Variants in LY9 observed in about 807,000 individuals in gnomAD.
The protein encoded by LY9 is lymphocyte antigen 9, also known as T-lymphocyte surface antigen Ly-9.
In LY9, 59 loss-of-function variants were observed where a neutral mutation model predicts 64.6. The observed-to-expected ratio is 0.91, with a 90% CI of 0.74 to 1.13. LY9 has a LOEUF of 1.13. LY9 is among the 50% of genes most tolerant of loss of function. The pLI, the probability that LY9 is intolerant of heterozygous loss-of-function variation, is 0.00. For missense variants in LY9, 789 were observed against 797.2 expected, an observed-to-expected ratio of 0.99 and a Z score of 0.12; for synonymous variants, 281 against 308.5, an observed-to-expected ratio of 0.91 and a Z score of 0.93.
At chr1:160,796,418 G>A in intron 1 of LY9, 107 bp downstream of exon 1, 1 of 1,359,712 alleles carries the variant, frequency 7.4e-7, no homozygotes, top group Non-Finnish European at 1.0e-6. Context: ...TTTTTTAACG[G>A]AGTCTCACTC....
At chr1:160,814,002 A>AG in intron 3 of LY9, 91 bp downstream of exon 3, 1 of 1,378,606 alleles carries the variant, frequency 7.3e-7, no homozygotes, top group Non-Finnish European at 9.9e-7. Flanking sequence ...TCAGACACAC[A>AG]GGGGGTGGGG....
rs550724284 is a variant in LY9 at position 160,805,048 on chromosome 1, C to G, written c.454+4966C>G. Reference sequence around the variant, plus strand: ...TAATTTTGTCTGTCTTTTCAAAGAGCTAACTTTTTCTTTCATTGATTCTTT... The same window carrying G: ...TAATTTTGTCTGTCTTTTCAAAGAGGTAACTTTTTCTTTCATTGATTCTTT... On this transcript the variant is annotated intron_variant, in intron 2 of 9. Transcript: ENST00000263285. Among the ~76,000 whole-genome samples the G allele has an allele frequency of 4.6e-5, 7 of 152,180 alleles. No homozygotes were observed. In the East Asian group the frequency reaches 9.6e-4, roughly 21 times the overall value.
At chr1:160,820,443 T>C (rs1668325816) in intron 7 of LY9, among the ~76,000 whole-genome samples, 2 of 152,208 alleles carry the variant, frequency 1.3e-5, no homozygotes, top group Non-Finnish European at 2.9e-5. Context: ...AAAATAAAAC[T>C]ATATGTCACC....
chr1:160,818,340 T>A, intron 6 of LY9, 21 bp downstream of exon 6: 1 of 1,588,070 alleles, frequency 6.3e-7, no homozygotes, highest in South Asian at 1.1e-5. Flanking sequence ...GAGATCAATG[T>A]TGTCCGCCAG....
chr1:160,814,221 G>C (rs946608546), intron 3 of LY9, among the ~76,000 whole-genome samples, 199 bp from the exon 4 acceptor site: 5 of 152,162 alleles, frequency 3.3e-5, no homozygotes, highest in Non-Finnish European at 7.3e-5. Flanking sequence ...GGGGACATGA[G>C]AGTCCAAGTA....
At chr1:160,821,672 G>T (rs879463164) in intron 7 of LY9, among the ~76,000 whole-genome samples, 2 of 152,192 alleles carry the variant, frequency 1.3e-5, no homozygotes, top group Non-Finnish European at 2.9e-5. Flanking sequence ...ATAACCAAGT[G>T]GTCAAGTGTA....
In LY9 at chr1:160,819,356, G is replaced by T. The variant is rs1360941066; in HGVS notation, c.1480G>T (p.Ala494Ser). 1.2e-6 allele frequency: 2 copies of T among 1,613,462 alleles called. No individual in the cohort carries two copies. The highest frequency in any genetic ancestry group is 2.7e-5 in the African/African-American group (2 of 74,860). The change falls in exon 7 of 10, where the codon GCC becomes TCC. Residue 494 changes from alanine to serine, a missense_variant. Transcript: ENST00000263285. ...AGCCTTCTGTTCCAGCCAAGCTGAG[G>T]CCCCAGCGGATACACCAGGTAACAT... ...VPAFCSSQAE[A>S]PADTPEPTAG...
At chr1:160,823,845 G>T (rs1668674152) in intron 8 of LY9, 49 bp downstream of exon 8, 20 of 1,432,078 alleles carry the variant, frequency 1.4e-5, no homozygotes, top group Non-Finnish European at 1.9e-5. Flanking sequence ...ATGTCTAGCG[G>T]CATCTGAGAT....
chr1:160,820,414 A>AAAAT (rs1284862057), intron 7 of LY9, among the ~76,000 whole-genome samples: 19 of 152,282 alleles, frequency 1.2e-4, no homozygotes, highest in African/African-American at 2.9e-4. Context: ...CCTGCTTTAA[A>AAAAT]AAATAAATAA....
At chr1:160,823,443 A>G (rs758790747) in intron 7 of LY9, 22 bp from the exon 8 acceptor site, 6 of 1,569,858 alleles carry the variant, frequency 3.8e-6, no homozygotes, top group Non-Finnish European at 5.2e-6. Flanking sequence ...TACTTTTATC[A>G]GCCCTGCACA....
At chr1:160,802,573 A>G (rs951858899) in intron 2 of LY9, 22 of 985,448 alleles carry the variant, frequency 2.2e-5, no homozygotes, top group East Asian at 1.1e-4. Flanking sequence ...TGCTGCTCAG[A>G]TTTTTAAATT....
intron 2 of LY9, among the ~76,000 whole-genome samples, chr1:160,809,041 T>C (rs1268924427): frequency 2.0e-5 from 3 of 152,164 alleles, no homozygotes; most frequent in African/African-American, 4.8e-5. Context: ...TATAGAAATA[T>C]TGTTTCCAAT....
At chr1:160,802,781 T>A in intron 2 of LY9, 1 of 535,078 alleles carries the variant, frequency 1.9e-6, no homozygotes, top group Non-Finnish European at 2.4e-6. Context: ...AAAGGTCAAT[T>A]GGCTATAAAC....
chr1:160,818,279 TG>T lies in LY9; in HGVS notation c.1407del (p.Ile470SerfsTer272). On this transcript the variant is annotated frameshift_variant, in exon 6 of 10. Coordinates refer to ENST00000263285, the MANE Select transcript of LY9 (RefSeq NM_002348.4). LOFTEE classifies it high-confidence loss of function. ...LFLMVCLLCV[G>X]IFSWCIWKRK... ...TCCTGATGGTTTGCCTTCTGTGCGT[TG>T]GGATCTTCAGCTGGTGCATTTGGAA... 6.2e-7 allele frequency: 1 copy of T among 1,614,140 alleles called. No homozygotes were observed. Among genetic ancestry groups the T allele is most frequent in the Non-Finnish European group, 8.5e-7 (1 of 1,180,002 alleles).
chr1:160,800,127 A>G (rs1666304261), intron 2 of LY9, 45 bp downstream of exon 2: 1 of 1,470,602 alleles, frequency 6.8e-7, no homozygotes, highest in East Asian at 2.3e-5. Context: ...TCTTTTTTTT[A>G]TTTGTGCAAA....
chr1:160,803,133 T>A (rs558275595), intron 2 of LY9, among the ~76,000 whole-genome samples: 9 of 152,096 alleles, frequency 5.9e-5, no homozygotes, highest in African/African-American at 2.2e-4. Flanking sequence ...AATACAAAAA[T>A]TAGACAGGGG....
chr1:160,799,769 A>G lies in LY9; in HGVS notation c.141A>G (p.Gly47=). The G allele has an allele frequency of 6.2e-7, 1 of 1,612,778 alleles. No individual in the cohort carries two copies. Among genetic ancestry groups the G allele is most frequent in the Non-Finnish European group, 8.5e-7 (1 of 1,179,136 alleles). The change falls in exon 2 of 10, where the codon GGA becomes GGG. Residue 47 remains glycine, a synonymous_variant. Coordinates refer to ENST00000263285, the MANE Select transcript of LY9 (RefSeq NM_002348.4). ...LFLLMGLRAS[G]KDSAPTVVSG... ...TCTCTGCAGGACTAAGAGCCTCTGGAAAGGACTCAGCCCCAACAGTGGTGT... is the reference window on the plus strand; with the variant it reads ...TCTCTGCAGGACTAAGAGCCTCTGGGAAGGACTCAGCCCCAACAGTGGTGT...
chr1:160,816,495 C>G, intron 4 of LY9, 99 bp from the exon 5 acceptor site: 1 of 1,376,982 alleles, frequency 7.3e-7, no homozygotes, highest in South Asian at 1.5e-5. Flanking sequence ...CCGGCAGTAT[C>G]AACACTCAGC....
Position 160,814,430 on chromosome 1 carries a change from C to T in LY9, c.741C>T (p.Ala247=), listed in dbSNP as rs758232481. ...CATCTGTGACCCCAGATCCAGGAGC[C>T]TCCAGAGGAGGAACAACGGGGGAGA... ...HVGQFCTDPG[A]SRGGTTGETV... is the part of the protein sequence containing the mutation. Residue 247 remains alanine, a synonymous_variant, in exon 4 of 10, where the codon GCC becomes GCT. Transcript: ENST00000263285. The T allele has an allele frequency of 6.2e-7, 1 of 1,609,644 alleles. No individual in the cohort carries two copies. Among genetic ancestry groups the T allele is most frequent in the South Asian group, 1.1e-5 (1 of 90,230 alleles).
Sources: allele counts gnomAD v4.1 joint callset (sites outside exome capture counted in the v4.1 genomes callset), GRCh38; gene constraint gnomAD v4.1.1; transcripts MANE v1.5; gene names NCBI Gene and HGNC (gene_info 2026-07-23, HGNC 2026-07-21).